RYR2: variants seen among roughly 807,000 people sequenced by gnomAD.
The protein encoded by RYR2 is ryanodine receptor 2, also known as cardiac muscle ryanodine receptor-calcium release channel.
RYR2 carries 227 observed loss-of-function variants against 601.1 expected under a neutral mutation model. The ratio of observed to expected loss-of-function variants is 0.38; its 90% CI spans 0.34 to 0.42. The LOEUF is 0.42. Among genes scored for constraint, RYR2 ranks in the 10% least tolerant of loss-of-function variants. The probability of loss-of-function intolerance (pLI) is 1.00; values close to 1 mark genes in which losing one functional copy is unlikely to be tolerated. For synonymous variants in RYR2, 2,223 were observed against 2,175.1 expected (o/e 1.02, Z -0.61); for missense variants, 4,646 against 6,156.5 (o/e 0.75, Z 8.21).
intron 67 of RYR2, among the ~76,000 whole-genome samples, chr1:237,706,016 C>T (rs998678471): frequency 2.6e-5 from 4 of 151,974 alleles, no homozygotes; most frequent in South Asian, 2.1e-4. Flanking sequence ...TTTGGGAGGC[C>T]GAAGTGGGTA....
At chr1:237,729,764 A>T (rs939050137) in intron 76 of RYR2, among the ~76,000 whole-genome samples, 1 of 152,108 alleles carries the variant, frequency 6.6e-6, no homozygotes, top group Non-Finnish European at 1.5e-5. Context: ...ACTCCCATAA[A>T]GTTCACTTAA....
At chr1:237,183,658 C>G (rs1323582582) in intron 1 of RYR2, among the ~76,000 whole-genome samples, 1 of 152,122 alleles carries the variant, frequency 6.6e-6, no homozygotes, top group Non-Finnish European at 1.5e-5. Flanking sequence ...GAGATAACCT[C>G]AGAACGAAAG....
At chr1:237,724,211 ATATATATG>A (rs1417909194) in intron 74 of RYR2, among the ~76,000 whole-genome samples, 3 of 118,412 alleles carry the variant, frequency 2.5e-5, no homozygotes, top group Non-Finnish European at 3.9e-5. Flanking sequence ...ATATATATAT[ATATATATG>A]TATGTGTGAT....
At chr1:237,268,477 C>T (rs779169339) in intron 1 of RYR2, among the ~76,000 whole-genome samples, 1 of 152,132 alleles carries the variant, frequency 6.6e-6, no homozygotes, top group Non-Finnish European at 1.5e-5. Flanking sequence ...GGGAATAATG[C>T]TATTTTTTTA....
At chr1:237,069,641 A>G (rs1225954286) in intron 1 of RYR2, among the ~76,000 whole-genome samples, 1 of 152,180 alleles carries the variant, frequency 6.6e-6, no homozygotes, top group Non-Finnish European at 1.5e-5. Flanking sequence ...AACCTTAGTG[A>G]AGTACTGAAT....
At chr1:237,754,233 A>G (rs1021520859) in intron 80 of RYR2, among the ~76,000 whole-genome samples, 2 of 152,002 alleles carry the variant, frequency 1.3e-5, no homozygotes, top group African/African-American at 4.8e-5. Context: ...GTTAAAAAAA[A>G]TGAGTGACCT....
At chr1:237,422,014 G>A (rs1423860100) in intron 11 of RYR2, among the ~76,000 whole-genome samples, 2 of 152,002 alleles carry the variant, frequency 1.3e-5, no homozygotes, top group African/African-American at 2.4e-5. Context: ...TGCGTGCTTT[G>A]ATCTTAAGCT....
At position 237,595,639 on chromosome 1, in the gene RYR2, A is replaced by G. The variant is rs1675810340; in HGVS notation, c.4578A>G (p.Glu1526=). Residue 1526 remains glutamate, a synonymous_variant, in exon 34 of 105, where the codon GAA becomes GAG. Coordinates refer to ENST00000366574, the MANE Select transcript of RYR2 (RefSeq NM_001035.3). ...TCACATTCATTGCCAATGGCAAGGAACTGAGCACATACTATCAGGTACGCG... is the reference window on the plus strand; with the variant it reads ...TCACATTCATTGCCAATGGCAAGGAGCTGAGCACATACTATCAGGTACGCG... ...GLLTFIANGK[E]LSTYYQVEPS... 1 of 1,612,862 alleles carries G rather than the reference A, an allele frequency of 6.2e-7. No homozygotes were observed. Among genetic ancestry groups the G allele is most frequent in the Non-Finnish European group, 8.5e-7 (1 of 1,179,538 alleles).
chr1:237,119,193 G>T (rs892901725), intron 1 of RYR2, among the ~76,000 whole-genome samples: 4 of 152,180 alleles, frequency 2.6e-5, no homozygotes, highest in South Asian at 2.1e-4. Context: ...CACCGGGAGG[G>T]TGTGTGCACA....
At chr1:237,748,013 A>G (rs1692225029) in intron 80 of RYR2, among the ~76,000 whole-genome samples, 1 of 152,144 alleles carries the variant, frequency 6.6e-6, no homozygotes, top group African/African-American at 2.4e-5. Flanking sequence ...CTACATTTTT[A>G]TACAATAAAA....
At chr1:237,795,836 G>GTGTATATA (rs371932356) in intron 96 of RYR2, among the ~76,000 whole-genome samples, 8,050 of 132,206 alleles carry the variant, frequency 0.061, 304 homozygotes, top group African/African-American at 0.07. Context: ...GTGTGTGTGT[G>GTGTATATA]TATATATATA....
chr1:237,210,721 G>A (rs1682477928), intron 1 of RYR2, among the ~76,000 whole-genome samples: 1 of 152,180 alleles, frequency 6.6e-6, no homozygotes, highest in Non-Finnish European at 1.5e-5. Flanking sequence ...GCTGGGTGCT[G>A]TGTGTTGTGG....
chr1:237,122,886 G>A (rs1054487632), intron 1 of RYR2, among the ~76,000 whole-genome samples: 1 of 151,898 alleles, frequency 6.6e-6, no homozygotes. Flanking sequence ...TGTTTTCTCT[G>A]AGAAAAATTT....
chr1:237,831,220 A>G (rs997953729), intron 103 of RYR2, among the ~76,000 whole-genome samples: 9 of 152,202 alleles, frequency 5.9e-5, no homozygotes, highest in African/African-American at 2.2e-4. Context: ...TGATCAGTAA[A>G]TTACAACTTC....
At chr1:237,749,326 G>A (rs1692345252) in intron 80 of RYR2, among the ~76,000 whole-genome samples, 1 of 152,006 alleles carries the variant, frequency 6.6e-6, no homozygotes, top group Admixed American at 6.6e-5. Flanking sequence ...TATAAAGTGT[G>A]GCTAATTATA....
chr1:237,366,060 C>A (rs1558691739), intron 5 of RYR2, among the ~76,000 whole-genome samples: 2 of 152,206 alleles, frequency 1.3e-5, no homozygotes, highest in Non-Finnish European at 1.5e-5. Context: ...AACAGAAAAA[C>A]ATGCTGAATT....
chr1:237,212,078 CTT>C (rs34586128), intron 1 of RYR2, among the ~76,000 whole-genome samples: 60,598 of 149,684 alleles, frequency 0.4, 13,228 homozygotes, highest in Admixed American at 0.51. Context: ...TTGTTTTTGA[CTT>C]TTTTTTTTTG....
chr1:237,822,540 G>A lies in RYR2; in HGVS notation c.14590+3348G>A, dbSNP rs546711125. ...AGCTCCTGAAGGAAGCATTAAACAT[G>A]AAAAGGAACAACCGGTACCAGCCAC... On this transcript the variant is annotated intron_variant, in intron 101 of 104. Transcript: ENST00000366574. Among the ~76,000 whole-genome samples the A allele has an allele frequency of 6.6e-5, 10 of 152,238 alleles. No homozygotes were observed. In the South Asian group the frequency reaches 2.1e-3, roughly 32 times the overall value.
chr1:237,774,418 G>A (rs897263686), intron 87 of RYR2, among the ~76,000 whole-genome samples: 2 of 152,162 alleles, frequency 1.3e-5, no homozygotes, highest in African/African-American at 4.8e-5. Context: ...AGCTGTTTGA[G>A]TAAATAAATG....
Sources: allele counts gnomAD v4.1 joint callset (sites outside exome capture counted in the v4.1 genomes callset), GRCh38; gene constraint gnomAD v4.1.1; transcripts MANE v1.5; gene names NCBI Gene and HGNC (gene_info 2026-07-23, HGNC 2026-07-21).